Variants in PTK2 observed in about 807,000 individuals in gnomAD.
PTK2 encodes focal adhesion kinase 1.
PTK2 carries 45 observed loss-of-function variants against 150.1 expected under a neutral mutation model. The ratio of observed to expected loss-of-function variants is 0.30; its 90% CI spans 0.24 to 0.38. The LOEUF (loss-of-function observed/expected upper bound fraction) is 0.38, where lower values mean the gene tolerates loss of function less well. PTK2 is among the 10% of genes least tolerant of loss of function. The pLI, the probability that PTK2 is intolerant of heterozygous loss-of-function variation, is 1.00. For synonymous variants in PTK2, 432 were observed against 449.2 expected, an observed-to-expected ratio of 0.96 and a Z score of 0.48; for missense variants, 919 against 1,307.3, an observed-to-expected ratio of 0.70 and a Z score of 4.58.
At chr8:140,694,928 C>T (rs928855253) in intron 26 of PTK2, among the ~76,000 whole-genome samples, 1 of 152,218 alleles carries the variant, frequency 6.6e-6, no homozygotes, top group African/African-American at 2.4e-5. Flanking sequence ...GACAGAGGGT[C>T]AGGGTGGCCC....
At chr8:140,947,582 G>A (rs2100178118) in intron 1 of PTK2, among the ~76,000 whole-genome samples, 1 of 151,624 alleles carries the variant, frequency 6.6e-6, no homozygotes, top group Non-Finnish European at 1.5e-5. Flanking sequence ...AGAGTAATGA[G>A]TTTTATTCCT....
intron 31 of PTK2, among the ~76,000 whole-genome samples, 179 bp downstream of exon 35, chr8:140,664,738 A>G (rs1287636050): frequency 6.6e-6 from 1 of 152,192 alleles, no homozygotes; most frequent in East Asian, 1.9e-4. Flanking sequence ...CCTATGCCCT[A>G]GAATGAACAG....
intron 1 of PTK2, among the ~76,000 whole-genome samples, chr8:140,938,951 T>G (rs1339960487): frequency 6.6e-6 from 1 of 151,312 alleles, no homozygotes; most frequent in Non-Finnish European, 1.5e-5. Flanking sequence ...AAATCCAGAC[T>G]GGGCAATACA....
intron 1 of PTK2, among the ~76,000 whole-genome samples, chr8:140,982,022 A>C (rs923687232): frequency 6.6e-6 from 1 of 151,390 alleles, no homozygotes; most frequent in African/African-American, 2.4e-5. Flanking sequence ...TATTTCTTTC[A>C]TAAATATTGC....
chr8:140,929,253 C>A (rs1194688787), intron 1 of PTK2, among the ~76,000 whole-genome samples: 1 of 152,018 alleles, frequency 6.6e-6, no homozygotes, highest in Non-Finnish European at 1.5e-5. Flanking sequence ...GCGTGAGCCA[C>A]CGCGCCCGGC....
intron 26 of PTK2, among the ~76,000 whole-genome samples, chr8:140,700,091 A>G (rs1002560672): frequency 2.6e-5 from 4 of 152,200 alleles, no homozygotes; most frequent in African/African-American, 9.7e-5. Context: ...AGTGGTTTTA[A>G]CTCTGGGATG....
chr8:140,822,698 C>G (rs2100109495), intron 8 of PTK2, among the ~76,000 whole-genome samples: 1 of 152,212 alleles, frequency 6.6e-6, no homozygotes, highest in Non-Finnish European at 1.5e-5. Flanking sequence ...TATTTTTAGA[C>G]ATGGCACTTA....
intron 1 of PTK2, among the ~76,000 whole-genome samples, chr8:140,991,349 TCCTGATATTTG>T (rs1162525253): frequency 6.6e-6 from 1 of 152,176 alleles, no homozygotes; most frequent in Non-Finnish European, 1.5e-5. Flanking sequence ...ACACACACTC[TCCTGATATTTG>T]CCAAAAGCCA....
chr8:140,674,764 A>AG (rs1489791139), intron 28 of PTK2, among the ~76,000 whole-genome samples: 2 of 151,444 alleles, frequency 1.3e-5, no homozygotes, highest in Admixed American at 6.6e-5. Context: ...AAGAGAAAGA[A>AG]GGCTGAGCAC....
intron 22 of PTK2, 145 bp downstream of exon 25, chr8:140,735,106 C>A (rs2100051816): frequency 1.4e-6 from 1 of 738,986 alleles, no homozygotes; most frequent in Non-Finnish European, 2.2e-6. Context: ...AAATGCAAAT[C>A]AATTTTAAAA....
chr8:140,735,288 T>C, exon 22 of PTK2: 1 of 1,614,152 alleles, frequency 6.2e-7, no homozygotes, highest in Admixed American at 1.7e-5. Flanking sequence ...CTGGGCCGCC[T>C]GCTGGGGTCA....
At chr8:140,992,294 A>G (rs306959) in intron 1 of PTK2, among the ~76,000 whole-genome samples, 22,671 of 74,466 alleles carry the variant, frequency 0.3, 2,370 homozygotes, top group East Asian at 0.62. Flanking sequence ...TTCATCTCGG[A>G]AAAAAAAAAA....
At chr8:140,993,030 TCAAA>T (rs970741149) in intron 1 of PTK2, among the ~76,000 whole-genome samples, 120 of 152,324 alleles carry the variant, frequency 7.9e-4, no homozygotes, top group African/African-American at 2.6e-3. Context: ...TTGTGTCACC[TCAAA>T]CAATTTTCCA....
intron 29 of PTK2, among the ~76,000 whole-genome samples, chr8:140,670,859 T>C (rs1231562797): frequency 6.6e-6 from 1 of 152,194 alleles, no homozygotes; most frequent in African/African-American, 2.4e-5. Context: ...GACAATTCTG[T>C]AATTCTAGGG....
At chr8:140,930,067 G>T (rs1200353236) in intron 1 of PTK2, among the ~76,000 whole-genome samples, 10 of 152,150 alleles carry the variant, frequency 6.6e-5, no homozygotes, top group Admixed American at 6.5e-4. Context: ...TGGTAGACTG[G>T]TCTACTAAAC....
intron 1 of PTK2, among the ~76,000 whole-genome samples, chr8:140,957,595 T>C (rs1046465922): frequency 2.6e-5 from 4 of 152,208 alleles, no homozygotes; most frequent in Non-Finnish European, 5.9e-5. Context: ...ACACACTCAC[T>C]GACTCACCCA....
At chr8:140,974,608 T>G (rs904367689) in intron 1 of PTK2, among the ~76,000 whole-genome samples, 1 of 152,218 alleles carries the variant, frequency 6.6e-6, no homozygotes, top group Non-Finnish European at 1.5e-5. Flanking sequence ...GCATTACATT[T>G]AAAGTAAAAA....
At chr8:140,886,091 A>G (rs1052906034) in intron 3 of PTK2, among the ~76,000 whole-genome samples, 1 of 152,174 alleles carries the variant, frequency 6.6e-6, no homozygotes, top group African/African-American at 2.4e-5. Context: ...TAGGTTCTGG[A>G]TATATTTTTG....
intron 2 of PTK2, among the ~76,000 whole-genome samples, chr8:140,895,693 C>T (rs2100155901): frequency 6.6e-6 from 1 of 151,974 alleles, no homozygotes. Context: ...TAAAAATGTA[C>T]ATTTAAAAAG....
Sources: allele counts gnomAD v4.1 joint callset (sites outside exome capture counted in the v4.1 genomes callset), GRCh38; gene constraint gnomAD v4.1.1; transcripts MANE v1.5; gene names NCBI Gene and HGNC (gene_info 2026-07-23, HGNC 2026-07-21).